GNB5: variants seen among roughly 807,000 people sequenced by gnomAD.
GNB5 encodes the protein G protein subunit beta 5.
In GNB5, 37 loss-of-function variants were observed where a neutral mutation model predicts 55.3. The ratio of observed to expected loss-of-function variants is 0.67; its 90% CI spans 0.51 to 0.88. GNB5 has a LOEUF of 0.88. GNB5 is among the 40% of genes least tolerant of loss of function. GNB5 has a pLI of 0.00. For synonymous variants in GNB5, 219 were observed against 198.5 expected (o/e 1.10, Z -0.87); for missense variants, 476 against 515.3 (o/e 0.92, Z 0.74).
intron 5 of GNB5, chr15:52,149,250 G>C (rs1167769968): frequency 2.6e-5 from 4 of 152,814 alleles, no homozygotes; most frequent in African/African-American, 9.7e-5. Flanking sequence ...ATAAAGGAAG[G>C]CTTTCTAAAT....
At chr15:52,186,414 G>A (rs2034847085) in intron 1 of GNB5, among the ~76,000 whole-genome samples, 1 of 152,126 alleles carries the variant, frequency 6.6e-6, no homozygotes, top group South Asian at 2.1e-4. Context: ...TTCCTTTTAG[G>A]CCCACAAAGC....
At chr15:52,163,343 T>G (rs2034378324) in intron 3 of GNB5, among the ~76,000 whole-genome samples, 2 of 152,156 alleles carry the variant, frequency 1.3e-5, no homozygotes, top group Non-Finnish European at 2.9e-5. Context: ...TCTATTCCCC[T>G]AGGAAGGTGG....
chr15:52,125,867 G>T (rs1166605582), intron 11 of GNB5, 81 bp downstream of exon 11: 1 of 680,192 alleles, frequency 1.5e-6, no homozygotes, highest in Non-Finnish European at 2.7e-6. Flanking sequence ...TGATGAAAAG[G>T]AACTGAGCGA....
intron 9 of GNB5, 162 bp from the exon 10 acceptor site, chr15:52,128,406 T>C: frequency 1.6e-6 from 1 of 629,328 alleles, no homozygotes. Flanking sequence ...CCCACTGATC[T>C]CTAGTTTTCT....
intron 5 of GNB5, among the ~76,000 whole-genome samples, chr15:52,148,052 A>G (rs1187830638): frequency 1.4e-4 from 20 of 147,218 alleles, no homozygotes; most frequent in Non-Finnish European, 2.3e-4. Flanking sequence ...AAGCTCAACT[A>G]GCAAAAGCAA....
chr15:52,175,821 T>A (rs1439405847), intron 3 of GNB5, among the ~76,000 whole-genome samples: 3 of 151,520 alleles, frequency 2.0e-5, no homozygotes, highest in Non-Finnish European at 4.4e-5. Context: ...GAGGCCAAGG[T>A]GGACGGATCA....
At chr15:52,182,265 G>A (rs1416955871) in intron 2 of GNB5, among the ~76,000 whole-genome samples, 1 of 152,218 alleles carries the variant, frequency 6.6e-6, no homozygotes, top group Non-Finnish European at 1.5e-5. Flanking sequence ...CTGGGTCATG[G>A]GGGATTCTTC....
intron 2 of GNB5, among the ~76,000 whole-genome samples, 175 bp downstream of exon 2, chr15:52,184,376 G>A (rs1212229345): frequency 6.6e-6 from 1 of 152,146 alleles, no homozygotes; most frequent in Non-Finnish European, 1.5e-5. Context: ...TTGGACCCAG[G>A]CAGTCAGACA....
rs72734921 is a variant in GNB5 at position 52,186,962 on chromosome 15, C to G, written c.-18-2268G>C. 9.4e-3 allele frequency among the ~76,000 whole-genome samples: 1,434 copies of G among 152,272 alleles called. 13 individuals carry two copies. The highest frequency in any genetic ancestry group is 0.019 in the South Asian group (94 of 4,828). On this transcript the variant is annotated intron_variant, in intron 1 of 12. Coordinates refer to ENST00000261837, the MANE Select transcript of GNB5 (RefSeq NM_016194.4). Reference sequence around the variant, plus strand: ...CCAGCTACCAACTGCCACAGAGTGCCCAGCCCTCGCCTCTCCCTGGGAGGG... The same window carrying G: ...CCAGCTACCAACTGCCACAGAGTGCGCAGCCCTCGCCTCTCCCTGGGAGGG...
intron 3 of GNB5, among the ~76,000 whole-genome samples, chr15:52,160,423 A>G (rs2034307135): frequency 6.6e-6 from 1 of 152,228 alleles, no homozygotes; most frequent in African/African-American, 2.4e-5. Context: ...GGAGCTGCGA[A>G]CTAGAAGACT....
chr15:52,136,865 A>G (rs2033737308), intron 7 of GNB5: 1 of 380,292 alleles, frequency 2.6e-6, no homozygotes, highest in Admixed American at 3.4e-5. Context: ...GACCAGGCCA[A>G]CTTTCCTGTT....
intron 4 of GNB5, among the ~76,000 whole-genome samples, 158 bp from the exon 5 acceptor site, chr15:52,150,083 A>T (rs545281169): frequency 1.3e-5 from 2 of 152,304 alleles, no homozygotes; most frequent in East Asian, 3.9e-4. Flanking sequence ...CATGAAAAAA[A>T]GTGGGGTGAG....
In GNB5 at chr15:52,188,307, C is replaced by CATT. The variant is rs1053865650; in HGVS notation, c.-19+3012_-19+3014dup. ...GGCAAGCTACAAACTAAATTTAAAG[C>CATT]ATTTTTAAACTGTAAATATTATACA... On this transcript the variant is annotated intron_variant, in intron 1 of 12. Transcript: ENST00000261837. Among the ~76,000 whole-genome samples, 36 of 152,176 alleles carry CATT rather than the reference C, an allele frequency of 2.4e-4. 1 individual carries two copies. The East Asian group carries it at 5.4e-3, about 23-fold the overall frequency.
Position 52,170,725 on chromosome 15 carries a change from A to C in GNB5, c.238+9043T>G, listed in dbSNP as rs897132081. ...TTAAAAGCTGAAGAAAAAAAAAAAA[A>C]CCCTCTCAAACCCCTGTATGGAAGG... On this transcript the variant is annotated intron_variant, in intron 3 of 12. Coordinates refer to ENST00000261837, the MANE Select transcript of GNB5 (RefSeq NM_016194.4). 5.9e-5 allele frequency among the ~76,000 whole-genome samples: 9 copies of C among 151,766 alleles called. No homozygotes were observed. In the East Asian group the frequency reaches 9.7e-4, roughly 16 times the overall value.
intron 3 of GNB5, among the ~76,000 whole-genome samples, chr15:52,172,130 C>T (rs1566948126): frequency 6.6e-6 from 1 of 151,944 alleles, no homozygotes; most frequent in Non-Finnish European, 1.5e-5. Context: ...TTTCCCCTTT[C>T]TCTTTTTATT....
chr15:52,164,308 TAAAAAAA>T (rs56029917), intron 3 of GNB5, among the ~76,000 whole-genome samples: 30 of 50,426 alleles, frequency 5.9e-4, no homozygotes, highest in East Asian at 2.4e-3. Context: ...GACTCTGTCT[TAAAAAAA>T]AAAAAAAAAA....
At chr15:52,156,549 T>C (rs895072622) in intron 3 of GNB5, among the ~76,000 whole-genome samples, 1 of 152,162 alleles carries the variant, frequency 6.6e-6, no homozygotes, top group African/African-American at 2.4e-5. Flanking sequence ...CTGGGCAACA[T>C]GGTGAAACCG....
rs1555403840 is a variant in GNB5, at chr15:52,117,103, T to TA, written c.*5653_*5654insT. 3,493 of 96,012 alleles carry TA rather than the reference T, an allele frequency of 0.036. 660 individuals carry two copies. Among genetic ancestry groups the TA allele is most frequent in the Non-Finnish European group, 0.043 (2,416 of 56,252 alleles). The allele number at this position is 96,012 out of a possible 1,614,324, so 5.9% of individuals were successfully genotyped here. On this transcript the variant is annotated 3_prime_UTR_variant, in exon 13 of 13. Transcript: ENST00000261837. ...CACGCCCAGCTAATATATATATATA[T>TA]TTTTTTTTAGTACAGACAGGGTTTC... is the stretch of plus-strand genomic sequence containing the variant.
chr15:52,122,889 TACAC>T (rs60072605), intron 12 of GNB5, 121 bp from the exon 13 acceptor site: 50 of 716,242 alleles, frequency 7.0e-5, no homozygotes, highest in Admixed American at 3.6e-4. Context: ...TATGTGTGTG[TACAC>T]ACACACACAC....
Sources: allele counts gnomAD v4.1 joint callset (sites outside exome capture counted in the v4.1 genomes callset), GRCh38; gene constraint gnomAD v4.1.1; transcripts MANE v1.5; gene names NCBI Gene and HGNC (gene_info 2026-07-23, HGNC 2026-07-21).